Variants in RAB27A observed in about 807,000 individuals in gnomAD.
RAB27A encodes ras-related protein Rab-27A.
In RAB27A, 17 loss-of-function variants were observed where a neutral mutation model predicts 20.8. The observed-to-expected ratio is 0.82, with a 90% CI of 0.56 to 1.23. The LOEUF is 1.23. RAB27A is among the 50% of genes most tolerant of loss of function. The probability of loss-of-function intolerance (pLI) is 0.00; values close to 1 mark genes in which losing one functional copy is unlikely to be tolerated. For synonymous variants in RAB27A, 85 were observed against 92.8 expected, an observed-to-expected ratio of 0.92 and a Z score of 0.48; for missense variants, 277 against 266.7, an observed-to-expected ratio of 1.04 and a Z score of -0.27.
intron 2 of RAB27A, among the ~76,000 whole-genome samples, chr15:55,241,154 C>G (rs558790383): frequency 5.3e-5 from 8 of 152,182 alleles, no homozygotes; most frequent in African/African-American, 1.7e-4. Flanking sequence ...CATTGAGCCC[C>G]TAAACCAAAA....
chr15:55,234,035 TC>T (rs1370144800), intron 3 of RAB27A, among the ~76,000 whole-genome samples: 1 of 152,034 alleles, frequency 6.6e-6, no homozygotes, highest in African/African-American at 2.4e-5. Flanking sequence ...CAGGGACCTT[TC>T]CCCCTGACAG....
intron 2 of RAB27A, among the ~76,000 whole-genome samples, chr15:55,305,878 G>A (rs916874379): frequency 2.0e-5 from 3 of 152,214 alleles, no homozygotes; most frequent in Non-Finnish European, 4.4e-5. Context: ...GATACCGCCA[G>A]TGCCAGTACC....
intron 6 of RAB27A, among the ~76,000 whole-genome samples, chr15:55,207,260 C>A (rs910081407): frequency 2.6e-5 from 4 of 152,128 alleles, no homozygotes; most frequent in Non-Finnish European, 4.4e-5. Context: ...TTGAAACATG[C>A]ATGCACTATG....
intron 2 of RAB27A, among the ~76,000 whole-genome samples, chr15:55,248,299 C>T (rs1896764065): frequency 1.3e-5 from 2 of 152,164 alleles, no homozygotes; most frequent in East Asian, 3.8e-4. Context: ...GGTGCCATAA[C>T]CTCTCTACAG....
chr15:55,271,209 A>C (rs1301390429), intron 1 of RAB27A, among the ~76,000 whole-genome samples: 1 of 152,028 alleles, frequency 6.6e-6, no homozygotes, highest in Non-Finnish European at 1.5e-5. Context: ...CCACAATAAA[A>C]TCCCTGCTCC....
intron 2 of RAB27A, among the ~76,000 whole-genome samples, chr15:55,296,205 T>C (rs2054948591): frequency 6.7e-6 from 1 of 150,132 alleles, no homozygotes; most frequent in South Asian, 2.2e-4. Context: ...CAGTACTTCT[T>C]GATTCAAAAC....
intron 6 of RAB27A, among the ~76,000 whole-genome samples, chr15:55,217,580 G>A (rs887267389): frequency 2.8e-5 from 4 of 141,630 alleles, no homozygotes; most frequent in Admixed American, 7.7e-5. Flanking sequence ...CAGGAGAATC[G>A]CTTGAACCTG....
chr15:55,274,822 A>ATATATATATATATG (rs1555399473), intron 1 of RAB27A, among the ~76,000 whole-genome samples: 15 of 139,014 alleles, frequency 1.1e-4, no homozygotes, highest in African/African-American at 2.9e-4. Flanking sequence ...ATATATATAT[A>ATATATATATATATG]TATGTATAGA....
At chr15:55,209,896 A>C (rs1432331785) in intron 6 of RAB27A, among the ~76,000 whole-genome samples, 4 of 124,004 alleles carry the variant, frequency 3.2e-5, no homozygotes, top group East Asian at 2.1e-4. Flanking sequence ...ATACATATAT[A>C]CACATATGTG....
chr15:55,223,806 A>C, intron 6 of RAB27A, 83 bp downstream of exon 6: 1 of 1,546,646 alleles, frequency 6.5e-7, no homozygotes, highest in Non-Finnish European at 8.8e-7. Context: ...TTAATTGTCC[A>C]CTTTTATCTT....
chr15:55,302,079 A>C (rs2054974555), intron 2 of RAB27A, among the ~76,000 whole-genome samples: 1 of 151,670 alleles, frequency 6.6e-6, no homozygotes, highest in Non-Finnish European at 1.5e-5. Flanking sequence ...CGGGAGGCTA[A>C]GGCAGGAGAA....
intron 5 of RAB27A, among the ~76,000 whole-genome samples, chr15:55,225,353 G>C (rs1169403563): frequency 6.6e-6 from 1 of 152,180 alleles, no homozygotes; most frequent in Non-Finnish European, 1.5e-5. Flanking sequence ...TTCCCCATCT[G>C]TAAATGGTGA....
chr15:55,234,926 A>T lies in RAB27A; in HGVS notation c.9T>A (p.Asp3Glu), dbSNP rs1235605519. The change falls in exon 3 of 7, where the codon GAT becomes GAA. Residue 3 changes from aspartate to glutamate, a missense_variant. Physicochemically the swap from Asp to Glu is conservative, Grantham distance 45. Coordinates refer to ENST00000336787, the MANE Select transcript of RAB27A (RefSeq NM_183235.3). ...ACTTGATGAGGTAATCATAATCTCC[A>T]TCAGACATAATGAAGAACTCAGTAG... MS[D>E]GDYDYLIKFL... is the part of the protein sequence containing the mutation. The T allele has an allele frequency of 6.2e-7, 1 of 1,611,868 alleles. No individual in the cohort carries two copies. Among genetic ancestry groups the T allele is most frequent in the Admixed American group, 1.7e-5 (1 of 59,842 alleles).
intron 2 of RAB27A, among the ~76,000 whole-genome samples, chr15:55,310,038 A>C (rs2055013588): frequency 6.6e-6 from 1 of 152,072 alleles, no homozygotes; most frequent in Non-Finnish European, 1.5e-5. Flanking sequence ...AGGGGACAAC[A>C]AACGGGTGTT....
intron 5 of RAB27A, among the ~76,000 whole-genome samples, chr15:55,227,167 A>C (rs1432071910): frequency 2.0e-5 from 3 of 152,210 alleles, no homozygotes; most frequent in Non-Finnish European, 2.9e-5. Flanking sequence ...ATATGTATAC[A>C]TATTTTCACA....
intron 2 of RAB27A, among the ~76,000 whole-genome samples, chr15:55,250,624 C>T (rs1294563189): frequency 2.0e-5 from 3 of 152,190 alleles, no homozygotes; most frequent in Non-Finnish European, 4.4e-5. Flanking sequence ...AAAGAATGAA[C>T]ACAACATGTT....
intron 2 of RAB27A, among the ~76,000 whole-genome samples, chr15:55,238,760 A>T (rs1482658102): frequency 1.3e-5 from 2 of 152,196 alleles, no homozygotes; most frequent in African/African-American, 4.8e-5. Flanking sequence ...ATCACTTTCA[A>T]ATAATTCTGA....
At chr15:55,212,529 A>C (rs1164609565) in intron 6 of RAB27A, among the ~76,000 whole-genome samples, 2 of 135,622 alleles carry the variant, frequency 1.5e-5, no homozygotes, top group African/African-American at 3.3e-5. Context: ...AAGAGCAACA[A>C]ATCTTTTTTT....
At chr15:55,250,370 T>G (rs1896845108) in intron 2 of RAB27A, among the ~76,000 whole-genome samples, 1 of 152,256 alleles carries the variant, frequency 6.6e-6, no homozygotes, top group Admixed American at 6.5e-5. Flanking sequence ...GCTACTTTGT[T>G]AAGCTATTTA....
Sources: allele counts gnomAD v4.1 joint callset (sites outside exome capture counted in the v4.1 genomes callset), GRCh38; gene constraint gnomAD v4.1.1; transcripts MANE v1.5; gene names NCBI Gene and HGNC (gene_info 2026-07-23, HGNC 2026-07-21).